The following LMO1 variants were observed in gnomAD, a reference collection of about 807,000 sequenced individuals.
LMO1 encodes rhombotin-1.
LMO1 carries 10 observed loss-of-function variants against 18.0 expected under a neutral mutation model. That is an observed-to-expected ratio of 0.55 (90% CI 0.34 to 0.94). LMO1 has a LOEUF of 0.94. Among genes scored for constraint, LMO1 ranks in the 40% least tolerant of loss-of-function variants. LMO1 has a pLI of 0.02. For synonymous variants in LMO1, 77 were observed against 77.9 expected, an observed-to-expected ratio of 0.99 and a Z score of 0.06; for missense variants, 183 against 205.7, an observed-to-expected ratio of 0.89 and a Z score of 0.68.
upstream of LMO1, among the ~76,000 whole-genome samples, chr11:8,264,086 C>T (rs1847235595): frequency 6.6e-6 from 1 of 151,874 alleles, no homozygotes; most frequent in Admixed American, 6.6e-5. Context: ...TCTGTCACTC[C>T]CAGACCCTCA....
At position 8,253,115 on chromosome 11, in the gene LMO1, T is replaced by A. The variant is rs145346277; in HGVS notation, c.25+10223A>T. Among the ~76,000 whole-genome samples the A allele has an allele frequency of 2.6e-3, 400 of 152,320 alleles. 2 individuals carry two copies. The highest frequency in any genetic ancestry group is 9.0e-3 in the African/African-American group (375 of 41,588). The stretch of plus-strand genomic sequence containing the variant: ...GAGAGGAGCCCAGAGGACAGAGCCC[T>A]GTCTCCAACTGCCCTACCCAGGCCC... On this transcript the variant is annotated intron_variant, in intron 1 of 3. Coordinates refer to ENST00000335790, the MANE Select transcript of LMO1 (RefSeq NM_002315.3).
At chr11:8,230,618 T>C (rs1952641507) in intron 1 of LMO1, 114 bp from the exon 2 acceptor site, 3 of 1,127,138 alleles carry the variant, frequency 2.7e-6, no homozygotes, top group Non-Finnish European at 3.9e-6. Context: ...CCCTCTAGGT[T>C]TGGGGCTCCC....
intron 1 of LMO1, among the ~76,000 whole-genome samples, chr11:8,236,294 G>A (rs924539488): frequency 1.1e-4 from 17 of 151,516 alleles, no homozygotes; most frequent in African/African-American, 3.4e-4. Flanking sequence ...CGGCTTAAGC[G>A]ATCCTCCTAC....
At chr11:8,249,208 C>T (rs1039320613) in intron 1 of LMO1, among the ~76,000 whole-genome samples, 2 of 152,172 alleles carry the variant, frequency 1.3e-5, no homozygotes, top group African/African-American at 4.8e-5. Context: ...CTCTGACCAA[C>T]CCAGACCCTC....
At chr11:8,259,269 C>G (rs1847147640) in intron 1 of LMO1, among the ~76,000 whole-genome samples, 1 of 152,154 alleles carries the variant, frequency 6.6e-6, no homozygotes, top group South Asian at 2.1e-4. Context: ...AATGGAAGAG[C>G]AGGGAACAGA....
At chr11:8,264,622 TTTTC>T (rs1461047197), upstream of LMO1, among the ~76,000 whole-genome samples, 5 of 151,722 alleles carry the variant, frequency 3.3e-5, no homozygotes, top group South Asian at 8.4e-4. Flanking sequence ...TTTCATTCCT[TTTTC>T]TTTCTTTCTG....
At chr11:8,230,580 G>A in intron 1 of LMO1, 76 bp from the exon 2 acceptor site, 1 of 1,452,716 alleles carries the variant, frequency 6.9e-7, no homozygotes, top group Non-Finnish European at 9.5e-7. Flanking sequence ...CCCCAAGAAT[G>A]GGGAGCTCAC....
chr11:8,239,955 G>T (rs1358609381), intron 1 of LMO1, among the ~76,000 whole-genome samples: 1 of 152,226 alleles, frequency 6.6e-6, no homozygotes, highest in Non-Finnish European at 1.5e-5. Flanking sequence ...GACCCTGAGT[G>T]CAGAGAACTC....
At chr11:8,261,071 A>G (rs182105056) in intron 1 of LMO1, among the ~76,000 whole-genome samples, 20 of 152,270 alleles carry the variant, frequency 1.3e-4, no homozygotes, top group African/African-American at 4.3e-4. Context: ...ACTCCTCTTA[A>G]TAGGGAGTGG....
chr11:8,256,935 T>G (rs991962417), intron 1 of LMO1, among the ~76,000 whole-genome samples: 1 of 152,074 alleles, frequency 6.6e-6, no homozygotes, highest in Non-Finnish European at 1.5e-5. Flanking sequence ...ACAAGAAAGA[T>G]AGCAGGTGAG....
chr11:8,251,432 GC>G (rs1258360717), intron 1 of LMO1, among the ~76,000 whole-genome samples: 2 of 152,148 alleles, frequency 1.3e-5, no homozygotes, highest in African/African-American at 4.8e-5. Context: ...CGCCTCCACC[GC>G]CCCGTAACAG....
At chr11:8,243,830 G>A (rs1264236998) in intron 1 of LMO1, among the ~76,000 whole-genome samples, 1 of 152,206 alleles carries the variant, frequency 6.6e-6, no homozygotes, top group Non-Finnish European at 1.5e-5. Flanking sequence ...CACAGAGGAT[G>A]TTCCTGGCAG....
intron 1 of LMO1, among the ~76,000 whole-genome samples, chr11:8,247,902 T>C (rs1846923365): frequency 6.6e-6 from 1 of 152,238 alleles, no homozygotes; most frequent in South Asian, 2.1e-4. Context: ...GTACCTTCCC[T>C]TTATGTAGCC....
intron 1 of LMO1, among the ~76,000 whole-genome samples, chr11:8,236,065 A>C (rs1952756655): frequency 6.6e-6 from 1 of 152,166 alleles, no homozygotes; most frequent in African/African-American, 2.4e-5. Flanking sequence ...AAGCCACCCT[A>C]TCTGTCCAAC....
chr11:8,252,066 C>A (rs1847011323), intron 1 of LMO1, among the ~76,000 whole-genome samples: 1 of 152,078 alleles, frequency 6.6e-6, no homozygotes, highest in Non-Finnish European at 1.5e-5. Flanking sequence ...AGCACCATCC[C>A]TCCCACAGCT....
At chr11:8,226,869 C>T (rs1422217941) in intron 3 of LMO1, 106 bp downstream of exon 3, 4 of 1,455,620 alleles carry the variant, frequency 2.7e-6, no homozygotes, top group Non-Finnish European at 3.6e-6. Flanking sequence ...CATACACACA[C>T]GCAACCCGCA....
chr11:8,259,411 G>A (rs1002544264), intron 1 of LMO1, among the ~76,000 whole-genome samples: 6 of 152,196 alleles, frequency 3.9e-5, no homozygotes, highest in Non-Finnish European at 8.8e-5. Context: ...TGCAGCTCAG[G>A]ATGTGATGCC....
At chr11:8,226,915 C>T in intron 3 of LMO1, 60 bp downstream of exon 3, 1 of 1,559,218 alleles carries the variant, frequency 6.4e-7, no homozygotes, top group Non-Finnish European at 8.7e-7. Flanking sequence ...CCTGGCCCAT[C>T]CCAGCAGGCC....
At chr11:8,263,183 C>T (rs1275908867) in intron 1 of LMO1, among the ~76,000 whole-genome samples, 155 bp downstream of exon 1, 1 of 151,632 alleles carries the variant, frequency 6.6e-6, no homozygotes, top group Admixed American at 6.6e-5. Context: ...CCCGGTACTT[C>T]CCCCCGCCCC....
Sources: gnomAD v4.1 joint callset for allele counts (sites outside exome capture counted in the v4.1 genomes callset) on GRCh38, gnomAD v4.1.1 for gene constraint, MANE v1.5 for transcripts, NCBI Gene and HGNC (gene_info 2026-07-23, HGNC 2026-07-21) for gene names.